The following TYW1B variants were observed in gnomAD, a reference collection of about 807,000 sequenced individuals.
The protein encoded by TYW1B is S-adenosyl-L-methionine-dependent tRNA 4-demethylwyosine synthase TYW1B.
A neutral mutation model predicts 86.9 loss-of-function variants in TYW1B; 73 were observed. That is an observed-to-expected ratio of 0.84 (90% CI 0.70 to 1.02). TYW1B has a LOEUF of 1.02. TYW1B is among the 50% of genes least tolerant of loss of function. TYW1B has a pLI of 0.00. For missense variants in TYW1B, 637 were observed against 827.4 expected (o/e 0.77, Z 2.82); for synonymous variants, 248 against 292.8 (o/e 0.85, Z 1.56).
At chr7:72,623,335 T>C (rs1417838869) in intron 12 of TYW1B, among the ~76,000 whole-genome samples, 10 of 152,110 alleles carry the variant, frequency 6.6e-5, no homozygotes, top group Admixed American at 3.9e-4. Context: ...TAGGGCCAAT[T>C]TGTATTATTG....
chr7:72,762,073 T>C (rs1446237860), intron 7 of TYW1B, among the ~76,000 whole-genome samples: 2 of 152,182 alleles, frequency 1.3e-5, no homozygotes, highest in Non-Finnish European at 2.9e-5. Flanking sequence ...TGGTTACCTA[T>C]ATTAAAACAA....
chr7:72,823,479 G>A (rs1465162967), intron 2 of TYW1B, among the ~76,000 whole-genome samples: 9 of 151,914 alleles, frequency 5.9e-5, no homozygotes, highest in Non-Finnish European at 8.8e-5. Context: ...AACTAGCTGG[G>A]CGTAGTGGTG....
rs1784808077 is a variant in TYW1B at position 72,789,858 on chromosome 7, G to A, written c.847-12325C>T. ...TAGATGAAACACAGTGTACAATAAA[G>A]AATAAGATGTCTAGCCTTTGTCCCC... On this transcript the variant is annotated intron_variant, in intron 6 of 13. Transcript: ENST00000620995. Among the ~76,000 whole-genome samples, 3 of 147,050 alleles carry A rather than the reference G, an allele frequency of 2.0e-5. 1 individual carries two copies. The South Asian group carries it at 6.5e-4, about 32-fold the overall frequency.
chr7:72,653,551 G>A (rs1554443147), intron 11 of TYW1B, among the ~76,000 whole-genome samples: 1 of 151,970 alleles, frequency 6.6e-6, no homozygotes, highest in East Asian at 1.9e-4. Context: ...AGCTTGCAGT[G>A]AGCCAAGATC....
chr7:72,701,705 A>T (rs1814479409), intron 10 of TYW1B, among the ~76,000 whole-genome samples: 1 of 151,966 alleles, frequency 6.6e-6, no homozygotes, highest in Non-Finnish European at 1.5e-5. Flanking sequence ...TGTTGTGTTT[A>T]TTTTTGCTGA....
chr7:72,737,741 C>A (rs1787221975), intron 8 of TYW1B, among the ~76,000 whole-genome samples: 1 of 151,934 alleles, frequency 6.6e-6, no homozygotes, highest in African/African-American at 2.4e-5. Context: ...ACTCTGTAAG[C>A]ACATACTCTA....
At chr7:72,658,363 T>C (rs1466215607) in intron 11 of TYW1B, among the ~76,000 whole-genome samples, 1 of 151,594 alleles carries the variant, frequency 6.6e-6, no homozygotes, top group East Asian at 1.9e-4. Context: ...GTAAAACACA[T>C]TAAAAATATT....
chr7:72,654,737 C>T (rs1242161587), intron 11 of TYW1B, among the ~76,000 whole-genome samples: 1 of 152,084 alleles, frequency 6.6e-6, no homozygotes, highest in Non-Finnish European at 1.5e-5. Flanking sequence ...AAACATTAGC[C>T]AGGCGTGGTG....
At chr7:72,620,125 G>A (rs1197892343) in intron 12 of TYW1B, among the ~76,000 whole-genome samples, 14 of 152,136 alleles carry the variant, frequency 9.2e-5, no homozygotes, top group Admixed American at 1.3e-4. Flanking sequence ...GGCTAGGCAC[G>A]GTGACTCATG....
intron 13 of TYW1B, among the ~76,000 whole-genome samples, chr7:72,582,291 T>C (rs542482419): frequency 3.9e-5 from 6 of 152,236 alleles, no homozygotes; most frequent in African/African-American, 1.4e-4. Context: ...AGGCACATTA[T>C]AGCGAAATTT....
chr7:72,727,806 C>T (rs1256334174), intron 9 of TYW1B, among the ~76,000 whole-genome samples: 1 of 89,550 alleles, frequency 1.1e-5, no homozygotes, highest in Admixed American at 1.5e-4. Context: ...GAGTGAGATC[C>T]GGTCCAAAAA....
intron 11 of TYW1B, among the ~76,000 whole-genome samples, chr7:72,640,104 AAACC>A (rs1812768379): frequency 6.6e-6 from 1 of 152,078 alleles, no homozygotes; most frequent in African/African-American, 2.4e-5. Context: ...TAAATATTAA[AAACC>A]AACAGAATGG....
chr7:72,708,983 C>A (rs1814678238), intron 10 of TYW1B, among the ~76,000 whole-genome samples: 1 of 152,026 alleles, frequency 6.6e-6, no homozygotes, highest in Non-Finnish European at 1.5e-5. Context: ...AAATGTGGGG[C>A]TAGGAGGGTT....
intron 7 of TYW1B, among the ~76,000 whole-genome samples, chr7:72,775,151 A>C (rs1554470343): frequency 6.6e-6 from 1 of 152,146 alleles, no homozygotes; most frequent in East Asian, 1.9e-4. Context: ...TTTTAAATGA[A>C]TAGAACATGA....
chr7:72,578,053 T>A (rs1161390026), intron 13 of TYW1B, among the ~76,000 whole-genome samples: 1 of 151,758 alleles, frequency 6.6e-6, no homozygotes, highest in African/African-American at 2.4e-5. Flanking sequence ...TGTGAATATA[T>A]GACCTTAACA....
chr7:72,694,573 TAAAGAGA>T, intron 11 of TYW1B, 107 bp downstream of exon 11: 1 of 1,319,838 alleles, frequency 7.6e-7, no homozygotes, highest in South Asian at 2.3e-5. Context: ...TTTTTTATTT[TAAAGAGA>T]AAAGAGGAAA....
At chr7:72,817,070 A>C (rs1164370455) in intron 2 of TYW1B, among the ~76,000 whole-genome samples, 2 of 152,160 alleles carry the variant, frequency 1.3e-5, no homozygotes, top group Non-Finnish European at 2.9e-5. Flanking sequence ...TTGTGGGCTA[A>C]TGATAACTCC....
At chr7:72,686,271 A>G (rs13227057) in intron 11 of TYW1B, among the ~76,000 whole-genome samples, 1 of 152,216 alleles carries the variant, frequency 6.6e-6, no homozygotes, top group East Asian at 1.9e-4. Context: ...GATGTTTATA[A>G]CAGCTGTGTT....
chr7:72,825,993 TCAGTTCACTGCTAAAGGA>T (rs1266072216), intron 2 of TYW1B, among the ~76,000 whole-genome samples: 2 of 152,204 alleles, frequency 1.3e-5, no homozygotes, highest in Non-Finnish European at 2.9e-5. Flanking sequence ...GATGACCAAT[TCAGTTCACTGCTAAAGGA>T]CAGTTCACTG....
Sources: allele counts gnomAD v4.1 joint callset (sites outside exome capture counted in the v4.1 genomes callset), GRCh38; gene constraint gnomAD v4.1.1; transcripts MANE v1.5; gene names NCBI Gene and HGNC (gene_info 2026-07-23, HGNC 2026-07-21).